The following CNTN5 variants were observed in gnomAD, a reference collection of about 807,000 sequenced individuals.
The protein encoded by CNTN5 is contactin-5.
Under a neutral mutation model 129.1 loss-of-function variants are expected in CNTN5, and 77 were observed. The ratio of observed to expected loss-of-function variants is 0.60; its 90% CI spans 0.50 to 0.72. The LOEUF is 0.72. Ranked by LOEUF, CNTN5 falls within the 30% of genes least tolerant of loss-of-function variation. CNTN5 has a pLI of 0.00. For missense variants in CNTN5, 1,478 were observed against 1,328.8 expected (o/e 1.11, Z -1.75); for synonymous variants, 509 against 465.6 (o/e 1.09, Z -1.20).
intron 2 of CNTN5, among the ~76,000 whole-genome samples, chr11:99,370,355 G>T (rs1939750188): frequency 6.6e-6 from 1 of 152,132 alleles, no homozygotes; most frequent in African/African-American, 2.4e-5. Context: ...AAGTTTTTAG[G>T]TCGCAAAGAA....
At chr11:99,122,867 G>A (rs532462389) in intron 1 of CNTN5, among the ~76,000 whole-genome samples, 1 of 152,036 alleles carries the variant, frequency 6.6e-6, no homozygotes, top group Non-Finnish European at 1.5e-5. Context: ...TGCTGCAAAG[G>A]ACATGGTCTC....
chr11:99,402,653 T>C (rs1301041930), intron 2 of CNTN5, among the ~76,000 whole-genome samples: 3 of 152,188 alleles, frequency 2.0e-5, no homozygotes, highest in Non-Finnish European at 1.5e-5. Flanking sequence ...GGATTGGTAT[T>C]AGTTCTTTAA....
intron 21 of CNTN5, chr11:100,309,776 C>T: frequency 1.1e-6 from 1 of 890,248 alleles, no homozygotes; most frequent in Non-Finnish European, 1.3e-6. Flanking sequence ...AGTTTCCCTT[C>T]TCTATGGAGG....
At chr11:99,990,532 A>T (rs1939012301) in intron 8 of CNTN5, among the ~76,000 whole-genome samples, 1 of 151,622 alleles carries the variant, frequency 6.6e-6, no homozygotes, top group Admixed American at 6.6e-5. Flanking sequence ...AAAACTCTCT[A>T]GGTTTTTTCA....
intron 2 of CNTN5, among the ~76,000 whole-genome samples, chr11:99,457,547 TC>T (rs886938204): frequency 4.0e-5 from 6 of 151,834 alleles, no homozygotes; most frequent in African/African-American, 9.7e-5. Context: ...AGGTATTATT[TC>T]CCCTAAAAGT....
At chr11:99,768,513 T>C (rs537902082) in intron 3 of CNTN5, among the ~76,000 whole-genome samples, 1 of 152,148 alleles carries the variant, frequency 6.6e-6, no homozygotes, top group African/African-American at 2.4e-5. Context: ...TGATACTTTA[T>C]CTCTTGACCC....
At chr11:99,432,169 C>A (rs534982133) in intron 2 of CNTN5, among the ~76,000 whole-genome samples, 1 of 152,072 alleles carries the variant, frequency 6.6e-6, no homozygotes, top group Admixed American at 6.6e-5. Flanking sequence ...TACTCAATTG[C>A]GGGCCTAAGA....
At chr11:99,250,680 G>A (rs1426599666) in intron 1 of CNTN5, among the ~76,000 whole-genome samples, 4 of 151,786 alleles carry the variant, frequency 2.6e-5, no homozygotes, top group Admixed American at 6.6e-5. Flanking sequence ...TATGGAAGGC[G>A]ATGTTTCCAT....
At chr11:99,885,557 G>A (rs1948880547) in intron 6 of CNTN5, among the ~76,000 whole-genome samples, 1 of 152,168 alleles carries the variant, frequency 6.6e-6, no homozygotes, top group East Asian at 1.9e-4. Context: ...CTCAAGGAAG[G>A]ATTAAAATTT....
chr11:99,077,710 C>T (rs1463450844), intron 1 of CNTN5, among the ~76,000 whole-genome samples: 4 of 152,154 alleles, frequency 2.6e-5, no homozygotes, highest in Admixed American at 2.6e-4. Context: ...CCCAGGAGGG[C>T]AGTTTTTCCC....
intron 6 of CNTN5, among the ~76,000 whole-genome samples, chr11:99,870,730 A>G (rs1203834431): frequency 6.6e-6 from 1 of 152,114 alleles, no homozygotes; most frequent in Non-Finnish European, 1.5e-5. Context: ...TTAAAAAGGC[A>G]GTGATCTCAC....
rs890956708 is a variant in CNTN5 at position 100,228,647 on chromosome 11, A to G, written c.2005+3835A>G. 4.6e-5 allele frequency among the ~76,000 whole-genome samples: 7 copies of G among 152,258 alleles called. No individual in the cohort carries two copies. In the East Asian group the frequency reaches 1.4e-3, roughly 29 times the overall value. On this transcript the variant is annotated intron_variant, in intron 16 of 24. Transcript: ENST00000524871. ...GGTATTTGCTTATAATTTGCTATTCATTTGTTCACCCACCTATTCATTCAG... is the reference window on the plus strand; with the variant it reads ...GGTATTTGCTTATAATTTGCTATTCGTTTGTTCACCCACCTATTCATTCAG...
At chr11:99,763,303 A>G (rs1944649380) in intron 3 of CNTN5, among the ~76,000 whole-genome samples, 1 of 152,154 alleles carries the variant, frequency 6.6e-6, no homozygotes, top group Admixed American at 6.6e-5. Context: ...CAGAGATGCA[A>G]CACCCAAGAG....
At chr11:99,982,122 A>G (rs1032947008) in intron 8 of CNTN5, among the ~76,000 whole-genome samples, 1 of 152,242 alleles carries the variant, frequency 6.6e-6, no homozygotes, top group Non-Finnish European at 1.5e-5. Context: ...GTGCATATAT[A>G]AGCTGATAAC....
intron 1 of CNTN5, among the ~76,000 whole-genome samples, chr11:99,026,647 G>A (rs1006799785): frequency 2.6e-5 from 4 of 151,480 alleles, no homozygotes; most frequent in African/African-American, 9.7e-5. Flanking sequence ...ATTTAATATT[G>A]GAAGGGGCCA....
intron 3 of CNTN5, among the ~76,000 whole-genome samples, chr11:99,587,539 T>G (rs2135650996): frequency 6.6e-6 from 1 of 152,266 alleles, no homozygotes; most frequent in South Asian, 2.1e-4. Flanking sequence ...ATCCATTTTC[T>G]TCTGGTAATC....
intron 7 of CNTN5, among the ~76,000 whole-genome samples, chr11:99,930,433 T>C (rs1407992137): frequency 2.0e-5 from 3 of 152,158 alleles, no homozygotes; most frequent in Non-Finnish European, 2.9e-5. Context: ...TCAAGGTGTT[T>C]CCTATGTGTT....
At chr11:99,876,150 T>C (rs1663458754) in intron 6 of CNTN5, among the ~76,000 whole-genome samples, 1 of 152,164 alleles carries the variant, frequency 6.6e-6, no homozygotes, top group Admixed American at 6.6e-5. Flanking sequence ...TAACTTTCAC[T>C]GAGCTGAGCT....
At chr11:100,038,868 A>G (rs4348865) in intron 9 of CNTN5, among the ~76,000 whole-genome samples, 7,953 of 152,166 alleles carry the variant, frequency 0.052, 365 homozygotes, top group East Asian at 0.16. Context: ...ATGTGTCTGC[A>G]CGTGAGGTGG....
Sources: gnomAD v4.1 joint callset for allele counts (sites outside exome capture counted in the v4.1 genomes callset) on GRCh38, gnomAD v4.1.1 for gene constraint, MANE v1.5 for transcripts, NCBI Gene and HGNC (gene_info 2026-07-23, HGNC 2026-07-21) for gene names.